ACBD5: variants seen among roughly 807,000 people sequenced by gnomAD.
ACBD5 encodes the protein acyl-CoA binding domain containing 5.
In ACBD5, 40 loss-of-function variants were observed where a neutral mutation model predicts 71.8. The ratio of observed to expected loss-of-function variants is 0.56; its 90% CI spans 0.43 to 0.72. The LOEUF is 0.72. ACBD5 is among the 30% of genes least tolerant of loss of function. ACBD5 has a pLI of 0.00. For synonymous variants in ACBD5, 229 were observed against 218.6 expected, an observed-to-expected ratio of 1.05 and a Z score of -0.42; for missense variants, 559 against 644.5, an observed-to-expected ratio of 0.87 and a Z score of 1.44.
Position 27,205,217 on chromosome 10 carries a change from G to A in ACBD5, c.1436C>T (p.Ala479Val), listed in dbSNP as rs368092255. Residue 479 changes from alanine to valine, a missense_variant, in exon 11 of 13, where the codon GCT becomes GTT. Ala to Val is a moderately conservative substitution (Grantham distance 64). Coordinates refer to ENST00000396271, the MANE Select transcript of ACBD5 (RefSeq NM_145698.5). The stretch of plus-strand genomic sequence containing the variant: ...TCTTACCTGTGAGGTGGGCTGAGGA[G>A]CAGTCTGCAATGTTGATGTTGATGA... ...AKSSTSTLQT[A>V]PQPTSQRPSW... The A allele has an allele frequency of 2.5e-6, 4 of 1,613,076 alleles. No individual in the cohort carries two copies. Among genetic ancestry groups the A allele is most frequent in the African/African-American group, 1.3e-5 (1 of 74,870 alleles).
chr10:27,217,461 A>G (rs2061791390), intron 7 of ACBD5, among the ~76,000 whole-genome samples: 1 of 150,872 alleles, frequency 6.6e-6, no homozygotes, highest in Admixed American at 6.6e-5. Flanking sequence ...ATCTCAAAAA[A>G]AAAAAAAAGA....
intron 12 of ACBD5, among the ~76,000 whole-genome samples, chr10:27,203,475 G>A (rs988859707): frequency 4.6e-5 from 7 of 152,016 alleles, no homozygotes; most frequent in African/African-American, 1.4e-4. Flanking sequence ...ACAGTGGCTC[G>A]TGCCTGTAAT....
At chr10:27,186,625 G>A in intron 13 of ACBD5, 1 of 1,185,604 alleles carries the variant, frequency 8.4e-7, no homozygotes, top group Non-Finnish European at 1.3e-6. Flanking sequence ...ATCTAAGGGG[G>A]AAAGATCATT....
rs1218425367 is a variant in ACBD5 at position 27,240,240 on chromosome 10, A to G, written c.181+79T>C. ...ACACAGAAAAAAAGGCTAAATAAACAACACTAGAACCAGAAAGTGAAAGGG... is the reference window on the plus strand; with the variant it reads ...ACACAGAAAAAAAGGCTAAATAAACGACACTAGAACCAGAAAGTGAAAGGG... On this transcript the variant is annotated intron_variant, in intron 2 of 12. Coordinates refer to ENST00000396271, the MANE Select transcript of ACBD5 (RefSeq NM_145698.5). This position sits in a 1 kb window ranked among gnomAD's most constrained non-coding sequence, Gnocchi z 4.1. 6.2e-7 allele frequency: 1 copy of G among 1,610,872 alleles called. No homozygotes were observed. Among genetic ancestry groups the G allele is most frequent in the Non-Finnish European group, 8.5e-7 (1 of 1,179,118 alleles).
chr10:27,229,145 A>T (rs1478926468), intron 4 of ACBD5, among the ~76,000 whole-genome samples: 1 of 151,724 alleles, frequency 6.6e-6, no homozygotes, highest in Non-Finnish European at 1.5e-5. Flanking sequence ...TTATTCAATC[A>T]ACTTTCTCAG....
chr10:27,220,457 T>C (rs7906528), intron 5 of ACBD5: 10,472 of 152,618 alleles, frequency 0.069, 687 homozygotes, highest in African/African-American at 0.17. Flanking sequence ...ATACAAATCT[T>C]CTGAGAGCTA....
intron 7 of ACBD5, among the ~76,000 whole-genome samples, chr10:27,215,936 G>A (rs567337358): frequency 5.7e-4 from 87 of 152,078 alleles, no homozygotes; most frequent in African/African-American, 1.8e-3. Flanking sequence ...GTGCAGTGGT[G>A]CGATCTCGGC....
At chr10:27,228,809 ATATATATTTTT>A (rs1372186284) in intron 4 of ACBD5, among the ~76,000 whole-genome samples, 3 of 14,808 alleles carry the variant, frequency 2.0e-4, no homozygotes, top group Admixed American at 1.7e-3. Flanking sequence ...ATATATATAT[ATATATATTTTT>A]TTTTTTTTTT....
intron 8 of ACBD5, among the ~76,000 whole-genome samples, chr10:27,213,753 G>A (rs550468181): frequency 3.0e-3 from 291 of 97,012 alleles, no homozygotes; most frequent in Non-Finnish European, 6.6e-3. Context: ...GGGAAACTCC[G>A]CCTCAGAAAA....
chr10:27,196,199 TAA>T lies in ACBD5; in HGVS notation c.*1229_*1230del, dbSNP rs200995487. The T allele has an allele frequency of 2.4e-6, 1 of 421,948 alleles. No homozygotes were observed. The allele number at this position is 421,948 out of a possible 1,614,324, so 26.1% of individuals were successfully genotyped here. ...TGGGCAACAAGAGAGAAACTCCATTTAAAAAAAAAAATTATTTGTTACAAAGA... is the reference window on the plus strand; with the variant it reads ...TGGGCAACAAGAGAGAAACTCCATTTAAAAAAAAATTATTTGTTACAAAGA... On this transcript the variant is annotated 3_prime_UTR_variant, in exon 13 of 13. Coordinates refer to ENST00000396271, the MANE Select transcript of ACBD5 (RefSeq NM_145698.5).
intron 12 of ACBD5, among the ~76,000 whole-genome samples, chr10:27,198,682 T>C (rs1285490393): frequency 2.0e-5 from 3 of 152,164 alleles, no homozygotes; most frequent in Admixed American, 2.0e-4. Context: ...ACAAGAGAGA[T>C]GTGGGTTGTA....
chr10:27,239,317 C>T (rs528347413), intron 2 of ACBD5, among the ~76,000 whole-genome samples: 32 of 152,206 alleles, frequency 2.1e-4, no homozygotes, highest in African/African-American at 7.5e-4. Flanking sequence ...ATTTAATGGC[C>T]AAAAACTTCA....
In ACBD5 at chr10:27,223,365, TC is replaced by T. The variant is rs2062606991; in HGVS notation, c.462del (p.Ser155ValfsTer7). ...GAGGTTATATCAGAACTCCTGCCAC[TC>T]TTTTTGTCCTCGACAATTTCATAAA... ...GPFYEIVEDK[K>X]SGRSSDITSD... On this transcript the variant is annotated frameshift_variant, in exon 5 of 13. Coordinates refer to ENST00000396271, the MANE Select transcript of ACBD5 (RefSeq NM_145698.5). LOFTEE classifies it high-confidence loss of function. 6.2e-7 allele frequency: 1 copy of T among 1,613,800 alleles called. No individual in the cohort carries two copies. The highest frequency in any genetic ancestry group is 1.3e-5 in the African/African-American group (1 of 74,930).
chr10:27,201,301 C>T (rs1272247745), intron 12 of ACBD5, among the ~76,000 whole-genome samples: 3 of 152,164 alleles, frequency 2.0e-5, no homozygotes, highest in Non-Finnish European at 4.4e-5. Flanking sequence ...GGTGTTACCA[C>T]AGGAGACTGT....
At position 27,196,737 on chromosome 10, in the gene ACBD5, C is replaced by A; in HGVS notation, c.*693G>T. On this transcript the variant is annotated 3_prime_UTR_variant, in exon 13 of 13. Transcript: ENST00000396271. ...GGCTCAGAATACACTTTTAAACCTA[C>A]ATGAAGCTCATTCTTCACCATTTCC... 1 of 454,374 alleles carries A rather than the reference C, an allele frequency of 2.2e-6. No individual in the cohort carries two copies. Among genetic ancestry groups the A allele is most frequent in the Non-Finnish European group, 4.4e-6 (1 of 226,784 alleles). 28.1% of individuals were successfully genotyped at this position (454,374 alleles called of 1,614,324 possible).
intron 8 of ACBD5, among the ~76,000 whole-genome samples, chr10:27,212,938 T>A (rs2061260564): frequency 6.6e-6 from 1 of 152,098 alleles, no homozygotes; most frequent in Admixed American, 6.6e-5. Flanking sequence ...TTTAATTGCA[T>A]TATGAAATGA....
intron 13 of ACBD5, among the ~76,000 whole-genome samples, chr10:27,190,178 G>A (rs929318773): frequency 1.3e-5 from 2 of 152,030 alleles, no homozygotes; most frequent in African/African-American, 2.4e-5. Context: ...CCAGCTGCTC[G>A]GGAGGCTGAA....
chr10:27,237,521 T>A (rs184629752), intron 2 of ACBD5, among the ~76,000 whole-genome samples: 143 of 152,258 alleles, frequency 9.4e-4, no homozygotes, highest in African/African-American at 3.2e-3. Context: ...ATATTTATAA[T>A]CCATTATAAC....
chr10:27,208,070 A>G (rs1470447275), intron 10 of ACBD5, among the ~76,000 whole-genome samples, 176 bp downstream of exon 10: 2 of 152,102 alleles, frequency 1.3e-5, no homozygotes, highest in African/African-American at 4.8e-5. Context: ...CTATTATTTT[A>G]AGCAGTAATT....
Sources: allele counts gnomAD v4.1 joint callset (sites outside exome capture counted in the v4.1 genomes callset), GRCh38; gene constraint gnomAD v4.1.1; non-coding constraint Gnocchi (gnomAD v3.1); transcripts MANE v1.5; gene names NCBI Gene and HGNC (gene_info 2026-07-23, HGNC 2026-07-21).